The following EXT2 variants were observed in gnomAD, a reference collection of about 807,000 sequenced individuals.
The protein encoded by EXT2 is exostosin-2.
In EXT2, 53 loss-of-function variants were observed where a neutral mutation model predicts 81.6. That is an observed-to-expected ratio of 0.65 (90% CI 0.52 to 0.82). The LOEUF (loss-of-function observed/expected upper bound fraction) is 0.82. Among genes scored for constraint, EXT2 ranks in the 40% least tolerant of loss-of-function variants. The probability of loss-of-function intolerance (pLI) is 0.00; values close to 1 mark genes in which losing one functional copy is unlikely to be tolerated. For synonymous variants in EXT2, 320 were observed against 340.0 expected, an observed-to-expected ratio of 0.94 and a Z score of 0.65; for missense variants, 774 against 910.2, an observed-to-expected ratio of 0.85 and a Z score of 1.93.
intron 8 of EXT2, among the ~76,000 whole-genome samples, chr11:44,179,535 G>A (rs1000096303): frequency 2.6e-5 from 4 of 152,114 alleles, no homozygotes; most frequent in African/African-American, 9.7e-5. Flanking sequence ...GAATGTTTTG[G>A]CAAAGTAATC....
intron 7 of EXT2, among the ~76,000 whole-genome samples, chr11:44,161,022 T>C (rs538561517): frequency 6.6e-6 from 1 of 152,352 alleles, no homozygotes; most frequent in Non-Finnish European, 1.5e-5. Context: ...GGATGCTTAC[T>C]TTATTTTTGT....
chr11:44,222,845 A>G (rs1457784548), intron 10 of EXT2, among the ~76,000 whole-genome samples: 3 of 152,244 alleles, frequency 2.0e-5, no homozygotes, highest in African/African-American at 7.2e-5. Flanking sequence ...CAAAAAGACA[A>G]GCTATATACT....
chr11:44,250,678 G>A lies in EXT2; in HGVS notation c.*6391G>A, dbSNP rs963480176. Among the ~76,000 whole-genome samples the A allele has an allele frequency of 3.9e-5, 6 of 152,180 alleles. No individual in the cohort carries two copies. The highest frequency in any genetic ancestry group is 1.4e-4 in the African/African-American group (6 of 41,442). On this transcript the variant is annotated 3_prime_UTR_variant, in exon 14 of 14. Coordinates refer to ENST00000533608, the MANE Select transcript of EXT2 (RefSeq NM_207122.2). ...ATTGAAATGAGCACTTGTGATTTGG[G>A]CCTCTTTTGAGGAGTCCAGAGAGCG...
chr11:44,175,346 G>A (rs1955143999), intron 8 of EXT2, among the ~76,000 whole-genome samples: 1 of 151,888 alleles, frequency 6.6e-6, no homozygotes, highest in Non-Finnish European at 1.5e-5. Context: ...TAACAGCAAG[G>A]CCCTCCACAA....
chr11:44,154,622 T>A (rs1463055328), intron 7 of EXT2, among the ~76,000 whole-genome samples: 1 of 152,164 alleles, frequency 6.6e-6, no homozygotes, highest in Non-Finnish European at 1.5e-5. Flanking sequence ...ACCTCTTCGA[T>A]ATACTGATTT....
At chr11:44,171,995 A>T in intron 8 of EXT2, 1 of 524,426 alleles carries the variant, frequency 1.9e-6, no homozygotes. Context: ...GAGATAAGTA[A>T]GGAGGCATGG....
At chr11:44,225,830 A>G (rs1285313478) in intron 10 of EXT2, among the ~76,000 whole-genome samples, 1 of 152,166 alleles carries the variant, frequency 6.6e-6, no homozygotes, top group Non-Finnish European at 1.5e-5. Flanking sequence ...AACTGGACCA[A>G]GTCACCTCTG....
At chr11:44,179,016 G>C (rs939491677) in intron 8 of EXT2, among the ~76,000 whole-genome samples, 1 of 152,068 alleles carries the variant, frequency 6.6e-6, no homozygotes, top group African/African-American at 2.4e-5. Flanking sequence ...AGCAGCCAGG[G>C]AATAAGGAAA....
At chr11:44,180,049 GT>G (rs1291626524) in intron 8 of EXT2, among the ~76,000 whole-genome samples, 1 of 152,022 alleles carries the variant, frequency 6.6e-6, no homozygotes, top group Admixed American at 6.5e-5. Context: ...ATATTTCTTG[GT>G]TTTGTGTTTT....
At chr11:44,186,684 G>A (rs1955315570) in intron 8 of EXT2, among the ~76,000 whole-genome samples, 1 of 152,176 alleles carries the variant, frequency 6.6e-6, no homozygotes, top group African/African-American at 2.4e-5. Flanking sequence ...GAGCCTTCCA[G>A]TAAACTAACT....
At chr11:44,129,632 G>A (rs948091867) in intron 6 of EXT2, among the ~76,000 whole-genome samples, 5 of 152,224 alleles carry the variant, frequency 3.3e-5, no homozygotes, top group African/African-American at 1.2e-4. Context: ...GAATAGATTT[G>A]CATAGATAGC....
chr11:44,096,322 G>A, intron 1 of EXT2: 2 of 1,535,936 alleles, frequency 1.3e-6, no homozygotes, highest in East Asian at 4.9e-5. Context: ...GTGGGACGAG[G>A]TAGGGAAGGG....
intron 6 of EXT2, among the ~76,000 whole-genome samples, chr11:44,128,248 T>C (rs1173932260): frequency 6.6e-6 from 1 of 152,040 alleles, no homozygotes; most frequent in Non-Finnish European, 1.5e-5. Context: ...GACAAACCGA[T>C]GATAATGTTT....
chr11:44,097,091 T>C (rs1404126490), intron 1 of EXT2, among the ~76,000 whole-genome samples: 3 of 152,236 alleles, frequency 2.0e-5, no homozygotes, highest in Non-Finnish European at 4.4e-5. Context: ...GCCAGGTACT[T>C]AAACTTTCTG....
intron 11 of EXT2, 44 bp from the exon 12 acceptor site, chr11:44,234,071 A>C (rs1564987278): frequency 6.2e-7 from 1 of 1,613,286 alleles, no homozygotes; most frequent in African/African-American, 1.3e-5. Context: ...AGCTAAAGGG[A>C]ACTGCTATTT....
intron 10 of EXT2, among the ~76,000 whole-genome samples, chr11:44,222,866 AT>A (rs1023624590): frequency 6.6e-6 from 1 of 151,874 alleles, no homozygotes; most frequent in Non-Finnish European, 1.5e-5. Flanking sequence ...TGGAGATAAT[AT>A]TTGCAAACCA....
intron 7 of EXT2, among the ~76,000 whole-genome samples, chr11:44,159,459 TAC>T (rs1271505211): frequency 6.6e-6 from 1 of 152,234 alleles, no homozygotes; most frequent in Non-Finnish European, 1.5e-5. Flanking sequence ...TCATTTTCAT[TAC>T]AGTGTGTTTG....
At chr11:44,098,097 G>A (rs1953927133) in intron 1 of EXT2, among the ~76,000 whole-genome samples, 1 of 152,074 alleles carries the variant, frequency 6.6e-6, no homozygotes, top group East Asian at 1.9e-4. Context: ...CCAGGTTATG[G>A]TATTGTATGG....
At chr11:44,125,774 G>C (rs1340161869) in intron 5 of EXT2, among the ~76,000 whole-genome samples, 1 of 152,058 alleles carries the variant, frequency 6.6e-6, no homozygotes, top group African/African-American at 2.4e-5. Context: ...TGTCTGGCTG[G>C]TAACAGTGGT....
Sources: gnomAD v4.1 joint callset for allele counts (sites outside exome capture counted in the v4.1 genomes callset) on GRCh38, gnomAD v4.1.1 for gene constraint, MANE v1.5 for transcripts, NCBI Gene and HGNC (gene_info 2026-07-23, HGNC 2026-07-21) for gene names.